Variants in CTNND2 observed in about 807,000 individuals in gnomAD.
CTNND2 encodes catenin delta 2, also known as catenin delta-2.
Under a neutral mutation model 144.4 loss-of-function variants are expected in CTNND2, and 22 were observed. The observed-to-expected ratio is 0.15, with a 90% CI of 0.11 to 0.22. CTNND2 has a LOEUF of 0.22. Ranked by LOEUF, CTNND2 falls within the 10% of genes least tolerant of loss-of-function variation. The pLI is 1.00. For missense variants in CTNND2, 1,353 were observed against 1,618.8 expected (o/e 0.84, Z 2.82); for synonymous variants, 751 against 695.6 (o/e 1.08, Z -1.25).
intron 7 of CTNND2, among the ~76,000 whole-genome samples, chr5:11,365,704 T>C (rs914099132): frequency 6.6e-6 from 1 of 152,210 alleles, no homozygotes; most frequent in Non-Finnish European, 1.5e-5. Context: ...GAAGCCTCTG[T>C]ACATCAGGAA....
chr5:11,387,717 G>A (rs1010828274), intron 6 of CTNND2, among the ~76,000 whole-genome samples: 8 of 152,104 alleles, frequency 5.3e-5, no homozygotes, highest in African/African-American at 1.9e-4. Flanking sequence ...AAAACTTTTT[G>A]TTATGTCTTG....
At chr5:11,103,266 G>A (rs974700549) in intron 14 of CTNND2, among the ~76,000 whole-genome samples, 2 of 152,014 alleles carry the variant, frequency 1.3e-5, no homozygotes, top group Middle Eastern at 3.2e-3. Flanking sequence ...ACAGGCATGA[G>A]CCACCGCACC....
chr5:11,318,154 A>G (rs1324121121), intron 9 of CTNND2, among the ~76,000 whole-genome samples: 3 of 152,176 alleles, frequency 2.0e-5, no homozygotes, highest in Admixed American at 6.5e-5. Context: ...TATGAACCCA[A>G]AAGAAACTCC....
chr5:11,639,916 G>A (rs531283451), intron 2 of CTNND2, among the ~76,000 whole-genome samples: 2 of 152,260 alleles, frequency 1.3e-5, no homozygotes, highest in Non-Finnish European at 2.9e-5. Flanking sequence ...AACAATGAAA[G>A]TCTGGCTGGA....
chr5:11,645,687 T>G (rs1782310230), intron 2 of CTNND2, among the ~76,000 whole-genome samples: 1 of 152,212 alleles, frequency 6.6e-6, no homozygotes, highest in Admixed American at 6.5e-5. Context: ...TTTGTGCACT[T>G]GTAACTGTTT....
chr5:11,703,037 A>G (rs1785525864), intron 2 of CTNND2, among the ~76,000 whole-genome samples: 1 of 152,188 alleles, frequency 6.6e-6, no homozygotes, highest in Non-Finnish European at 1.5e-5. Flanking sequence ...TGACGCATTC[A>G]GGGATCACAA....
At chr5:11,162,089 G>C (rs1758823981) in intron 11 of CTNND2, among the ~76,000 whole-genome samples, 2 of 151,410 alleles carry the variant, frequency 1.3e-5, no homozygotes, top group Admixed American at 1.3e-4. Flanking sequence ...GTGGGGGGGG[G>C]TTGCAGTGAG....
chr5:11,114,375 G>A (rs1446226039), intron 13 of CTNND2, among the ~76,000 whole-genome samples: 1 of 152,098 alleles, frequency 6.6e-6, no homozygotes, highest in African/African-American at 2.4e-5. Flanking sequence ...GTAGGGATGG[G>A]GGCGGATGGG....
intron 3 of CTNND2, among the ~76,000 whole-genome samples, chr5:11,453,472 A>C (rs906262818): frequency 3.1e-4 from 47 of 152,200 alleles, no homozygotes; most frequent in Non-Finnish European, 1.0e-4. Flanking sequence ...CCATTTTCCC[A>C]AAATAATCCA....
intron 2 of CTNND2, among the ~76,000 whole-genome samples, chr5:11,658,349 C>T (rs904819989): frequency 6.6e-6 from 1 of 151,990 alleles, no homozygotes; most frequent in African/African-American, 2.4e-5. Context: ...AGGTGAGAAG[C>T]AAGAGCAAGA....
chr5:11,515,111 C>CAAAAAAA (rs5865953), intron 3 of CTNND2, among the ~76,000 whole-genome samples: 2 of 135,554 alleles, frequency 1.5e-5, no homozygotes, highest in African/African-American at 5.4e-5. Context: ...TAATGCACAC[C>CAAAAAAA]AAAAAAAAAA....
At chr5:11,516,577 T>C (rs1561502260) in intron 3 of CTNND2, among the ~76,000 whole-genome samples, 1 of 151,972 alleles carries the variant, frequency 6.6e-6, no homozygotes, top group African/African-American at 2.4e-5. Context: ...AAATTAAGAA[T>C]ACAATTTCAC....
intron 2 of CTNND2, among the ~76,000 whole-genome samples, chr5:11,706,241 T>C (rs1785685706): frequency 6.6e-6 from 1 of 152,194 alleles, no homozygotes; most frequent in African/African-American, 2.4e-5. Context: ...TGCCTGGACA[T>C]CTGACTCGCA....
At chr5:11,115,132 C>T (rs1245694702) in intron 13 of CTNND2, among the ~76,000 whole-genome samples, 1 of 152,224 alleles carries the variant, frequency 6.6e-6, no homozygotes, top group African/African-American at 2.4e-5. Flanking sequence ...GGTTTTCTGA[C>T]TCCAGCCCTG....
At chr5:11,512,971 C>T (rs536826680) in intron 3 of CTNND2, among the ~76,000 whole-genome samples, 1 of 152,360 alleles carries the variant, frequency 6.6e-6, no homozygotes, top group African/African-American at 2.4e-5. Context: ...TATTCCTTCT[C>T]TGCACCATGA....
chr5:11,799,451 T>C (rs1791564647), intron 1 of CTNND2, among the ~76,000 whole-genome samples: 1 of 152,212 alleles, frequency 6.6e-6, no homozygotes, highest in Non-Finnish European at 1.5e-5. Flanking sequence ...TTCTTCTTCC[T>C]CCCGTTGAGA....
intron 11 of CTNND2, among the ~76,000 whole-genome samples, chr5:11,186,086 C>CAA (rs1237171288): frequency 1.3e-5 from 2 of 152,180 alleles, no homozygotes; most frequent in Non-Finnish European, 2.9e-5. Flanking sequence ...AGCCTTTATA[C>CAA]AATTTTGGCA....
At position 11,819,689 on chromosome 5, in the gene CTNND2, C is replaced by T. The variant is rs182661221; in HGVS notation, c.37+84128G>A. 1.6e-3 allele frequency among the ~76,000 whole-genome samples: 243 copies of T among 152,192 alleles called. 1 individual carries two copies. Among genetic ancestry groups the T allele is most frequent in the Non-Finnish European group, 2.3e-3 (155 of 68,006 alleles). On this transcript the variant is annotated intron_variant, in intron 1 of 21. Coordinates refer to ENST00000304623, the MANE Select transcript of CTNND2 (RefSeq NM_001332.4). ...GAGTCTAGGCCAAAGTAACTTTTGCCGCCTCTTTCACTGTATAGCCCTGTT... is the reference window on the plus strand; with the variant it reads ...GAGTCTAGGCCAAAGTAACTTTTGCTGCCTCTTTCACTGTATAGCCCTGTT...
At chr5:11,731,397 C>T (rs1024968403) in intron 2 of CTNND2, among the ~76,000 whole-genome samples, 2 of 152,198 alleles carry the variant, frequency 1.3e-5, no homozygotes, top group African/African-American at 4.8e-5. Context: ...AATTCAGCAT[C>T]ACCAAATCAC....
Sources: allele counts gnomAD v4.1 joint callset (sites outside exome capture counted in the v4.1 genomes callset), GRCh38; gene constraint gnomAD v4.1.1; transcripts MANE v1.5; gene names NCBI Gene and HGNC (gene_info 2026-07-23, HGNC 2026-07-21).